The following CNNM2 variants were observed in gnomAD, a reference collection of about 807,000 sequenced individuals.
CNNM2 encodes the protein cyclin and CBS domain divalent metal cation transport mediator 2.
Under a neutral mutation model 66.9 loss-of-function variants are expected in CNNM2, and 12 were observed. The observed-to-expected ratio is 0.18, with a 90% CI of 0.11 to 0.29. CNNM2 has a LOEUF of 0.29. CNNM2 is among the 10% of genes least tolerant of loss of function. CNNM2 has a pLI of 1.00. For missense variants in CNNM2, 705 were observed against 1,167.7 expected (o/e 0.60, Z 5.77); for synonymous variants, 557 against 501.8 (o/e 1.11, Z -1.47).
intron 1 of CNNM2, among the ~76,000 whole-genome samples, chr10:103,003,210 C>A (rs764810710): frequency 3.3e-5 from 5 of 150,972 alleles, no homozygotes; most frequent in Admixed American, 6.6e-5. Context: ...CCTCCTGGGT[C>A]CAAGCGATTC....
At chr10:103,047,747 G>A (rs1429567571) in intron 1 of CNNM2, among the ~76,000 whole-genome samples, 3 of 152,074 alleles carry the variant, frequency 2.0e-5, no homozygotes, top group African/African-American at 7.2e-5. Flanking sequence ...TAGTCACTTG[G>A]AAAATATTGG....
chr10:102,962,137 G>C (rs1405762286), intron 1 of CNNM2, among the ~76,000 whole-genome samples: 1 of 152,072 alleles, frequency 6.6e-6, no homozygotes, highest in Non-Finnish European at 1.5e-5. Context: ...TGGACAAAGG[G>C]TGGGGAACAA....
At chr10:102,971,856 A>G (rs2063552050) in intron 1 of CNNM2, among the ~76,000 whole-genome samples, 1 of 152,196 alleles carries the variant, frequency 6.6e-6, no homozygotes, top group African/African-American at 2.4e-5. Flanking sequence ...GTAAGTGAAA[A>G]ATAGCTCATT....
intron 1 of CNNM2, among the ~76,000 whole-genome samples, chr10:103,029,800 A>C (rs1590422281): frequency 6.6e-6 from 1 of 151,564 alleles, no homozygotes; most frequent in Non-Finnish European, 1.5e-5. Flanking sequence ...TGGGAGGCGG[A>C]GGTTGCAGTG....
rs752337072 is a variant in CNNM2 at position 102,920,010 on chromosome 10, C to G, written c.1530C>G (p.Pro510=). Residue 510 remains proline, a synonymous_variant, in exon 1 of 8, where the codon CCC becomes CCG. Coordinates refer to ENST00000369878, the MANE Select transcript of CNNM2 (RefSeq NM_017649.5). The part of the protein sequence containing the change: ...LAFVDPDDCT[P]LKTITKFYNH... ...TCGTGGATCCCGATGACTGTACCCC[C>G]CTGAAAACCATCACCAAATTTTATA... 3 of 1,614,106 alleles carry G rather than the reference C, an allele frequency of 1.9e-6. No individual in the cohort carries two copies. Among genetic ancestry groups the G allele is most frequent in the African/African-American group, 1.3e-5 (1 of 74,936 alleles).
At chr10:102,960,556 A>G (rs1436543697) in intron 1 of CNNM2, among the ~76,000 whole-genome samples, 1 of 152,104 alleles carries the variant, frequency 6.6e-6, no homozygotes. Flanking sequence ...TTTTAACATA[A>G]TTGAGATTAC....
intron 1 of CNNM2, among the ~76,000 whole-genome samples, chr10:102,986,647 G>C (rs929884924): frequency 6.6e-6 from 1 of 151,818 alleles, no homozygotes; most frequent in African/African-American, 2.4e-5. Context: ...GGGCATGGTG[G>C]CAGGTACCTG....
chr10:102,927,301 G>A, intron 1 of CNNM2: 1 of 1,611,762 alleles, frequency 6.2e-7, no homozygotes, highest in Non-Finnish European at 8.5e-7. Context: ...ATTGAATACA[G>A]TTTTTTAAAG....
rs765066497 is a variant in CNNM2, at chr10:103,077,192, TGCACCCGCCCAGGCCC to T, written c.*25_*40del. 94 of 1,610,102 alleles carry T rather than the reference TGCACCCGCCCAGGCCC, an allele frequency of 5.8e-5. No individual in the cohort carries two copies. Among genetic ancestry groups the T allele is most frequent in the Non-Finnish European group, 7.5e-5 (88 of 1,179,418 alleles). On this transcript the variant is annotated 3_prime_UTR_variant, in exon 8 of 8. Transcript: ENST00000369878. ...AAGGCGCCATCTAGGCCGCGCTGGC[TGCACCCGCCCAGGCCC>T]GCACCCGCCCAGTCCCGAGGGCCCG...
intron 1 of CNNM2, among the ~76,000 whole-genome samples, chr10:103,039,436 C>A (rs1223518383): frequency 1.3e-5 from 2 of 152,198 alleles, no homozygotes; most frequent in Non-Finnish European, 2.9e-5. Context: ...TGCGCCTGGC[C>A]TCTAATACTA....
intron 1 of CNNM2, among the ~76,000 whole-genome samples, chr10:102,968,745 A>G (rs994708794): frequency 6.6e-6 from 1 of 151,844 alleles, no homozygotes; most frequent in African/African-American, 2.4e-5. Context: ...CTGGGACTAC[A>G]TACAGGTGCA....
chr10:102,944,000 G>T (rs1846519524), intron 1 of CNNM2, among the ~76,000 whole-genome samples: 1 of 151,580 alleles, frequency 6.6e-6, no homozygotes, highest in Non-Finnish European at 1.5e-5. Flanking sequence ...TTACATATAT[G>T]TAAGATTGGC....
chr10:103,084,467 G>C lies in CNNM2; in HGVS notation c.*7287G>C, dbSNP rs529978569. The C allele has an allele frequency of 6.6e-6, 1 of 152,300 alleles. No individual in the cohort carries two copies. The highest frequency in any genetic ancestry group is 1.5e-5 in the Non-Finnish European group (1 of 68,034). 9.4% of individuals were successfully genotyped at this position (152,300 alleles called of 1,614,324 possible). On this transcript the variant is annotated 3_prime_UTR_variant, in exon 8 of 8. Transcript: ENST00000369878. ...ACCCTGCTTGCTTTCATTAGAAGCA[G>C]GGCAGAAAGTGGCAGCAGAGCTAGG...
At position 103,077,173 on chromosome 10, in the gene CNNM2, C is replaced by G; in HGVS notation, c.2621C>G (p.Ala874Gly). ...KANHSLHNEG[A>G]I The stretch of plus-strand genomic sequence containing the variant: ...AACCACAGCCTGCACAACGAAGGCG[C>G]CATCTAGGCCGCGCTGGCTGCACCC... The change falls in exon 8 of 8, where the codon GCC (alanine) becomes GGC (glycine). Residue 874 changes from alanine (A) to glycine (G), a missense_variant. Transcript: ENST00000369878. 1.2e-6 allele frequency: 2 copies of G among 1,612,412 alleles called. No individual in the cohort carries two copies. Among genetic ancestry groups the G allele is most frequent in the Non-Finnish European group, 1.7e-6 (2 of 1,179,802 alleles).
At chr10:103,022,211 T>A (rs1408257432) in intron 1 of CNNM2, among the ~76,000 whole-genome samples, 2 of 152,176 alleles carry the variant, frequency 1.3e-5, no homozygotes, top group Non-Finnish European at 2.9e-5. Flanking sequence ...CTTTTAGATT[T>A]TGGATCAGGT....
At chr10:103,072,160 G>C (rs1181385777) in intron 6 of CNNM2, among the ~76,000 whole-genome samples, 2 of 152,078 alleles carry the variant, frequency 1.3e-5, no homozygotes, top group Non-Finnish European at 2.9e-5. Flanking sequence ...CAGCAGTAGG[G>C]GACTGTTCTT....
intron 1 of CNNM2, among the ~76,000 whole-genome samples, chr10:102,935,815 C>A (rs1045015621): frequency 7.9e-6 from 1 of 126,496 alleles, no homozygotes; most frequent in Non-Finnish European, 1.6e-5. Context: ...GGCAAAGTGT[C>A]GCTATGTTGC....
At position 103,077,118 on chromosome 10, in the gene CNNM2, G is replaced by A. The variant is rs754935179; in HGVS notation, c.2566G>A (p.Glu856Lys). The A allele has an allele frequency of 3.7e-6, 6 of 1,613,962 alleles. No individual in the cohort carries two copies. The highest frequency in any genetic ancestry group is 1.7e-4 in the Middle Eastern group (1 of 6,044). The change falls in exon 8 of 8, where the codon GAA becomes AAA. Residue 856 changes from glutamate to lysine, a missense_variant. Physicochemically the swap from Glu to Lys is moderately conservative, Grantham distance 56. Around this residue, in one of 9 missense-constraint regions of CNNM2, gnomAD observed 194 missense variants for 227.6 expected, o/e 0.85. Coordinates refer to ENST00000369878, the MANE Select transcript of CNNM2 (RefSeq NM_017649.5). The part of the protein sequence containing the change: ...LPDETANLLN[E>K]QNCVTHSKAN... ...AGACGAGACAGCCAACCTGCTCAAC[G>A]AACAGAACTGTGTGACGCACAGTAA...
intron 1 of CNNM2, among the ~76,000 whole-genome samples, chr10:103,008,061 C>T (rs2064262074): frequency 6.6e-6 from 1 of 152,132 alleles, no homozygotes; most frequent in South Asian, 2.1e-4. Context: ...TGAAATTGCT[C>T]CTAAATCCCA....
Sources: gnomAD v4.1 joint callset for allele counts (sites outside exome capture counted in the v4.1 genomes callset) on GRCh38, gnomAD v4.1.1 for gene constraint, gnomAD v4.1.1 regional missense constraint, MANE v1.5 for transcripts, NCBI Gene and HGNC (gene_info 2026-07-23, HGNC 2026-07-21) for gene names.